The following SPTBN1 variants were observed in gnomAD, a reference collection of about 807,000 sequenced individuals.
The protein encoded by SPTBN1 is spectrin beta, non-erythrocytic 1, also known as spectrin beta chain, non-erythrocytic 1.
In SPTBN1, 32 loss-of-function variants were observed where a neutral mutation model predicts 266.4. The observed-to-expected ratio is 0.12, with a 90% CI of 0.09 to 0.16. The LOEUF (loss-of-function observed/expected upper bound fraction) is 0.16. SPTBN1 is among the 10% of genes least tolerant of loss of function. The probability of loss-of-function intolerance (pLI) is 1.00; values close to 1 mark genes in which losing one functional copy is unlikely to be tolerated. For missense variants in SPTBN1, 2,296 were observed against 3,067.1 expected (o/e 0.75, Z 5.94); for synonymous variants, 1,336 against 1,162.2 (o/e 1.15, Z -3.04).
chr2:54,583,083 C>T (rs1675051606), intron 2 of SPTBN1, among the ~76,000 whole-genome samples: 1 of 152,050 alleles, frequency 6.6e-6, no homozygotes, highest in Non-Finnish European at 1.5e-5. Context: ...TTCCCACTTG[C>T]GTAGCTGAAG....
At chr2:54,604,444 C>A (rs1042897949) in intron 3 of SPTBN1, among the ~76,000 whole-genome samples, 1 of 152,034 alleles carries the variant, frequency 6.6e-6, no homozygotes, top group African/African-American at 2.4e-5. Flanking sequence ...ATCCTGATGC[C>A]TTGCAGAGTG....
intron 3 of SPTBN1, among the ~76,000 whole-genome samples, chr2:54,608,218 C>T (rs904970281): frequency 1.3e-5 from 2 of 152,178 alleles, no homozygotes; most frequent in East Asian, 1.9e-4. Context: ...AAGTATAAAG[C>T]CTCATCCTTG....
chr2:54,599,438 A>G (rs189096234), intron 3 of SPTBN1, among the ~76,000 whole-genome samples, 195 bp downstream of exon 3: 6 of 152,310 alleles, frequency 3.9e-5, no homozygotes, highest in Admixed American at 2.0e-4. Flanking sequence ...TTGAGCTGTA[A>G]TAAAGCCACT....
chr2:54,661,681 G>T (rs530879973), intron 32 of SPTBN1: 610 of 985,498 alleles, frequency 6.2e-4, no homozygotes, highest in Non-Finnish European at 6.9e-4. Flanking sequence ...TGTGTTTGTG[G>T]CTCCAAGTTA....
At chr2:54,574,491 C>A (rs1391477395) in intron 2 of SPTBN1, among the ~76,000 whole-genome samples, 1 of 152,198 alleles carries the variant, frequency 6.6e-6, no homozygotes, top group Non-Finnish European at 1.5e-5. Flanking sequence ...GCCCTAGCTG[C>A]GCAGAAAGCA....
chr2:54,645,210 G>T lies in SPTBN1; in HGVS notation c.4270-19G>T, dbSNP rs1423846497. Reference sequence around the variant, plus strand: ...AAGATAGTCTGTGCTGAGCGCTGAGGCTGCTTCTCTGCCCTCAGATGCTGG... The same window carrying T: ...AAGATAGTCTGTGCTGAGCGCTGAGTCTGCTTCTCTGCCCTCAGATGCTGG... On this transcript the variant is annotated intron_variant, in intron 20 of 35. Coordinates refer to ENST00000356805, the MANE Select transcript of SPTBN1 (RefSeq NM_003128.3). This position sits in a 1 kb window ranked among gnomAD's most constrained non-coding sequence, Gnocchi z 4.3. 1.9e-6 allele frequency: 3 copies of T among 1,613,354 alleles called. No homozygotes were observed. The highest frequency in any genetic ancestry group is 2.5e-6 in the Non-Finnish European group (3 of 1,179,356).
At chr2:54,550,176 A>G (rs1030095570) in intron 2 of SPTBN1, among the ~76,000 whole-genome samples, 1 of 152,152 alleles carries the variant, frequency 6.6e-6, no homozygotes, top group African/African-American at 2.4e-5. Flanking sequence ...TAGCTATAGT[A>G]TTTATTTTAC....
chr2:54,457,973 G>A (rs986766894), intron 1 of SPTBN1, among the ~76,000 whole-genome samples: 2 of 152,252 alleles, frequency 1.3e-5, no homozygotes, highest in East Asian at 3.8e-4. Context: ...CCATAGGGAG[G>A]GGCTGCAGGA....
chr2:54,605,012 G>T (rs955030184), intron 3 of SPTBN1, among the ~76,000 whole-genome samples: 2 of 152,310 alleles, frequency 1.3e-5, no homozygotes, highest in South Asian at 4.1e-4. Flanking sequence ...TGTGGGGACG[G>T]AAGCATGCCG....
At chr2:54,657,504 A>G (rs757784823) in intron 29 of SPTBN1, among the ~76,000 whole-genome samples, 1 of 152,242 alleles carries the variant, frequency 6.6e-6, no homozygotes, top group Non-Finnish European at 1.5e-5. Flanking sequence ...TGTGCCGTAA[A>G]ATGCACATCA....
At chr2:54,560,480 A>T (rs988262872) in intron 2 of SPTBN1, among the ~76,000 whole-genome samples, 3 of 152,030 alleles carry the variant, frequency 2.0e-5, no homozygotes, top group Non-Finnish European at 4.4e-5. Context: ...AAGGTTTTAA[A>T]ACTGCTCGCC....
intron 1 of SPTBN1, among the ~76,000 whole-genome samples, chr2:54,479,655 A>G (rs1254900308): frequency 1.3e-5 from 2 of 152,198 alleles, no homozygotes; most frequent in Non-Finnish European, 2.9e-5. Context: ...GTTTCTTCAC[A>G]TTGTGGAAGG....
chr2:54,564,872 G>A (rs946037237), intron 2 of SPTBN1, among the ~76,000 whole-genome samples: 6 of 152,026 alleles, frequency 3.9e-5, no homozygotes, highest in Non-Finnish European at 7.4e-5. Flanking sequence ...CCTGTATTTC[G>A]TGAAGTCTGG....
At chr2:54,477,026 T>TTA (rs397709599) in intron 1 of SPTBN1, among the ~76,000 whole-genome samples, 37 of 151,994 alleles carry the variant, frequency 2.4e-4, no homozygotes, top group African/African-American at 8.2e-4. Context: ...GTTTTTTTTT[T>TTA]ATTGGCTTCA....
intron 1 of SPTBN1, among the ~76,000 whole-genome samples, chr2:54,477,192 A>C (rs1350349866): frequency 2.0e-5 from 3 of 152,220 alleles, no homozygotes; most frequent in Admixed American, 6.5e-5. Flanking sequence ...GGATTTAAAC[A>C]CAACATTTGT....
intron 3 of SPTBN1, among the ~76,000 whole-genome samples, chr2:54,602,772 A>G (rs1471585198): frequency 6.6e-6 from 1 of 152,162 alleles, no homozygotes; most frequent in African/African-American, 2.4e-5. Context: ...ATTAATTTCA[A>G]AGCAGGCTGA....
chr2:54,544,288 A>C (rs1268173999), intron 2 of SPTBN1, among the ~76,000 whole-genome samples: 1 of 152,128 alleles, frequency 6.6e-6, no homozygotes, highest in African/African-American at 2.4e-5. Flanking sequence ...CCTTCTTGGA[A>C]ATTGCCTTCC....
chr2:54,632,810 G>A, intron 17 of SPTBN1, 42 bp downstream of exon 17: 3 of 1,600,902 alleles, frequency 1.9e-6, no homozygotes, highest in Non-Finnish European at 2.6e-6. Flanking sequence ...TGCACCTTGG[G>A]GCTCTCAAAC....
chr2:54,468,798 A>G (rs1693772418), intron 1 of SPTBN1, among the ~76,000 whole-genome samples: 1 of 152,236 alleles, frequency 6.6e-6, no homozygotes, highest in South Asian at 2.1e-4. Flanking sequence ...TCACAGTTGC[A>G]TTAATTCCCC....
Sources: allele counts gnomAD v4.1 joint callset (sites outside exome capture counted in the v4.1 genomes callset), GRCh38; gene constraint gnomAD v4.1.1; non-coding constraint Gnocchi (gnomAD v3.1); transcripts MANE v1.5; gene names NCBI Gene and HGNC (gene_info 2026-07-23, HGNC 2026-07-21).